THSD7B: variants seen among roughly 807,000 people sequenced by gnomAD.
THSD7B encodes thrombospondin type 1 domain containing 7B, also known as thrombospondin type-1 domain-containing protein 7B.
Under a neutral mutation model 213.6 loss-of-function variants are expected in THSD7B, and 138 were observed. The observed-to-expected ratio is 0.65, with a 90% confidence interval of 0.56 to 0.74. THSD7B has a LOEUF of 0.74. THSD7B is among the 30% of genes least tolerant of loss of function. The pLI is 0.00. For missense variants in THSD7B, 1,931 were observed against 1,991.5 expected, an observed-to-expected ratio of 0.97 and a Z score of 0.58; for synonymous variants, 742 against 687.0, an observed-to-expected ratio of 1.08 and a Z score of -1.25.
intron 2 of THSD7B, among the ~76,000 whole-genome samples, chr2:136,912,182 T>C (rs486599): frequency 0.99 from 149,657 of 151,922 alleles, 73,760 homozygotes; most frequent in East Asian, 1. Context: ...ATTAGCCGGG[T>C]GTGCTGGTGG....
intron 2 of THSD7B, among the ~76,000 whole-genome samples, chr2:136,957,437 GT>G (rs34483995): frequency 0.46 from 59,867 of 129,846 alleles, 13,895 homozygotes; most frequent in Non-Finnish European, 0.57. Flanking sequence ...CCAATACAAC[GT>G]TTTTTTTTTT....
chr2:137,280,082 T>G (rs1682971554), intron 12 of THSD7B, among the ~76,000 whole-genome samples: 1 of 152,152 alleles, frequency 6.6e-6, no homozygotes, highest in South Asian at 2.1e-4. Flanking sequence ...ACAAGTTTAT[T>G]TCTATCTAGT....
chr2:137,007,115 G>A lies in THSD7B; in HGVS notation c.140-49305G>A, dbSNP rs769496990. ...ACTAAAAACTTTACCATGTGGCATCGTTGCATATGACTAATAGTGAGGTTT... is the reference window on the plus strand; with the variant it reads ...ACTAAAAACTTTACCATGTGGCATCATTGCATATGACTAATAGTGAGGTTT... On this transcript the variant is annotated intron_variant, in intron 2 of 27. Coordinates refer to ENST00000409968, the MANE Select transcript of THSD7B (RefSeq NM_001316349.2). Among the ~76,000 whole-genome samples, 11 of 152,118 alleles carry A rather than the reference G, an allele frequency of 7.2e-5. 1 individual carries two copies. The highest frequency in any genetic ancestry group is 1.9e-4 in the East Asian group (1 of 5,190).
chr2:137,602,325 A>G (rs1053003874), intron 17 of THSD7B, among the ~76,000 whole-genome samples: 1 of 151,868 alleles, frequency 6.6e-6, no homozygotes. Context: ...GCTGGAGTGC[A>G]GTGGCGCAAT....
intron 12 of THSD7B, among the ~76,000 whole-genome samples, chr2:137,298,359 T>A (rs1206728673): frequency 2.0e-5 from 3 of 152,134 alleles, no homozygotes; most frequent in African/African-American, 7.2e-5. Context: ...AAAAGCATTC[T>A]GTTTTAAAAG....
In THSD7B at chr2:137,148,353, G is replaced by A. The variant is rs146392522; in HGVS notation, c.1370-11860G>A. 6.9e-3 allele frequency among the ~76,000 whole-genome samples: 1,047 copies of A among 152,190 alleles called. 9 individuals are homozygous for A. Among genetic ancestry groups the A allele is most frequent in the African/African-American group, 0.024 (990 of 41,514 alleles). ...CAGTCTCGGGTATTTCTTCATAGCA[G>A]CATGAGAATGGACTAATACAAAAAA... On this transcript the variant is annotated intron_variant, in intron 5 of 27. Coordinates refer to ENST00000409968, the MANE Select transcript of THSD7B (RefSeq NM_001316349.2).
At chr2:136,786,430 T>A (rs1681850243) in intron 1 of THSD7B, among the ~76,000 whole-genome samples, 1 of 152,148 alleles carries the variant, frequency 6.6e-6, no homozygotes, top group African/African-American at 2.4e-5. Context: ...TTCTTTTACC[T>A]AAGAGCTGCC....
chr2:137,469,423 C>A (rs926434188), intron 15 of THSD7B, among the ~76,000 whole-genome samples: 1 of 152,098 alleles, frequency 6.6e-6, no homozygotes, highest in Non-Finnish European at 1.5e-5. Flanking sequence ...TCGGAAAAAT[C>A]TTTCCTGACT....
intron 7 of THSD7B, among the ~76,000 whole-genome samples, chr2:137,174,501 G>A (rs1680321976): frequency 6.6e-6 from 1 of 152,118 alleles, no homozygotes; most frequent in African/African-American, 2.4e-5. Context: ...TAAGAATGTG[G>A]TCTACTTTGG....
chr2:136,784,649 T>C (rs181676218), intron 1 of THSD7B, among the ~76,000 whole-genome samples: 65 of 152,308 alleles, frequency 4.3e-4, no homozygotes, highest in African/African-American at 1.6e-3. Flanking sequence ...TATCTGATAA[T>C]ATTTAGTTCT....
intron 4 of THSD7B, among the ~76,000 whole-genome samples, 162 bp downstream of exon 4, chr2:137,095,283 C>G (rs957953535): frequency 1.3e-5 from 2 of 152,130 alleles, no homozygotes; most frequent in African/African-American, 4.8e-5. Context: ...AGATCATGGG[C>G]TTTGGTGTTG....
intron 6 of THSD7B, among the ~76,000 whole-genome samples, chr2:137,169,023 A>T (rs1006020775): frequency 1.4e-5 from 2 of 146,828 alleles, no homozygotes; most frequent in East Asian, 2.0e-4. Context: ...AACCATTATT[A>T]TTTTTTTTTT....
At chr2:137,214,354 A>G (rs1415426471) in intron 7 of THSD7B, among the ~76,000 whole-genome samples, 1 of 152,146 alleles carries the variant, frequency 6.6e-6, no homozygotes, top group Non-Finnish European at 1.5e-5. Flanking sequence ...ATTAACTCTA[A>G]TAAGCATCTC....
At chr2:137,373,991 C>G (rs1379584532) in intron 12 of THSD7B, among the ~76,000 whole-genome samples, 1 of 152,112 alleles carries the variant, frequency 6.6e-6, no homozygotes, top group Non-Finnish European at 1.5e-5. Flanking sequence ...TCAGGTTTGT[C>G]AAAGATCAGA....
intron 5 of THSD7B, among the ~76,000 whole-genome samples, chr2:137,145,185 T>C (rs548586729): frequency 4.3e-4 from 66 of 152,218 alleles, no homozygotes; most frequent in African/African-American, 1.6e-3. Context: ...ATGTCAGCTT[T>C]TTATTATCAT....
chr2:137,316,809 A>T (rs1017221098), intron 12 of THSD7B, among the ~76,000 whole-genome samples: 1 of 151,834 alleles, frequency 6.6e-6, no homozygotes, highest in East Asian at 1.9e-4. Flanking sequence ...GGTTCTTATG[A>T]TATGGTAATT....
chr2:137,112,363 T>TA (rs35106366), intron 4 of THSD7B, among the ~76,000 whole-genome samples: 80,855 of 150,020 alleles, frequency 0.54, 23,920 homozygotes, highest in Non-Finnish European at 0.66. Flanking sequence ...TCTGAGGTGG[T>TA]AAAAAAAAAA....
At chr2:137,013,001 C>A (rs1686258955) in intron 2 of THSD7B, among the ~76,000 whole-genome samples, 1 of 152,226 alleles carries the variant, frequency 6.6e-6, no homozygotes, top group South Asian at 2.1e-4. Context: ...TTCATCTTAG[C>A]CGGTCAAGAT....
intron 2 of THSD7B, among the ~76,000 whole-genome samples, chr2:137,036,911 A>C (rs7582633): frequency 6.6e-6 from 1 of 152,020 alleles, no homozygotes; most frequent in East Asian, 1.9e-4. Flanking sequence ...ACTTTCACTA[A>C]TTTCTTCTGA....
Sources: gnomAD v4.1 joint callset for allele counts (sites outside exome capture counted in the v4.1 genomes callset) on GRCh38, gnomAD v4.1.1 for gene constraint, MANE v1.5 for transcripts, NCBI Gene and HGNC (gene_info 2026-07-23, HGNC 2026-07-21) for gene names.